Variants in ADAMTS12 observed in about 807,000 individuals in gnomAD.
ADAMTS12 encodes the protein A disintegrin and metalloproteinase with thrombospondin motifs 12.
Under a neutral mutation model 167.8 loss-of-function variants are expected in ADAMTS12, and 118 were observed. That is an observed-to-expected ratio of 0.70 (90% CI 0.61 to 0.82). ADAMTS12 has a LOEUF of 0.82. ADAMTS12 is among the 40% of genes least tolerant of loss of function. The pLI is 0.00. For synonymous variants in ADAMTS12, 704 were observed against 716.9 expected, an observed-to-expected ratio of 0.98 and a Z score of 0.29; for missense variants, 1,916 against 1,998.8, an observed-to-expected ratio of 0.96 and a Z score of 0.79.
At chr5:33,672,435 T>A (rs1173833513) in intron 5 of ADAMTS12, among the ~76,000 whole-genome samples, 1 of 152,136 alleles carries the variant, frequency 6.6e-6, no homozygotes, top group African/African-American at 2.4e-5. Flanking sequence ...TTAATTAAGA[T>A]CTCTAATTCA....
intron 16 of ADAMTS12, 27 bp from the exon 17 acceptor site, chr5:33,596,087 C>A: frequency 6.2e-7 from 1 of 1,612,296 alleles, no homozygotes; most frequent in Non-Finnish European, 8.5e-7. Flanking sequence ...AAGATTCACA[C>A]ATATTGAATC....
intron 2 of ADAMTS12, among the ~76,000 whole-genome samples, chr5:33,837,108 C>T (rs1748558208): frequency 6.6e-6 from 1 of 152,088 alleles, no homozygotes; most frequent in Non-Finnish European, 1.5e-5. Context: ...CCAGACAAGC[C>T]CCACTGTGTG....
At chr5:33,831,655 C>A (rs926246405) in intron 2 of ADAMTS12, among the ~76,000 whole-genome samples, 2 of 152,238 alleles carry the variant, frequency 1.3e-5, no homozygotes, top group Admixed American at 6.5e-5. Flanking sequence ...CAAGCTTAAT[C>A]CACATTCACT....
intron 22 of ADAMTS12, among the ~76,000 whole-genome samples, chr5:33,539,278 T>A (rs1032626967): frequency 6.6e-6 from 1 of 152,190 alleles, no homozygotes; most frequent in Non-Finnish European, 1.5e-5. Context: ...TGATAGAGTG[T>A]TATTTATGCA....
chr5:33,654,874 TTG>T (rs34219097), intron 7 of ADAMTS12, among the ~76,000 whole-genome samples: 213 of 141,602 alleles, frequency 1.5e-3, no homozygotes, highest in African/African-American at 1.9e-3. Flanking sequence ...GTGGGTGATT[TTG>T]TGTGTGTGTG....
At chr5:33,792,721 T>C (rs1294082266) in intron 2 of ADAMTS12, among the ~76,000 whole-genome samples, 1 of 152,198 alleles carries the variant, frequency 6.6e-6, no homozygotes, top group African/African-American at 2.4e-5. Context: ...AACAAGAAGA[T>C]AGTATCCTTG....
chr5:33,726,862 G>A (rs1322200749), intron 3 of ADAMTS12, among the ~76,000 whole-genome samples: 2 of 151,172 alleles, frequency 1.3e-5, no homozygotes, highest in African/African-American at 2.5e-5. Context: ...AGTTTATAAA[G>A]TGCCCTCACT....
chr5:33,695,162 T>C (rs1391709436), intron 3 of ADAMTS12, among the ~76,000 whole-genome samples: 1 of 152,236 alleles, frequency 6.6e-6, no homozygotes, highest in African/African-American at 2.4e-5. Context: ...ATGTCCACAA[T>C]AGATCAAAAC....
In ADAMTS12 at chr5:33,730,603, A is replaced by G. The variant is rs1744160333; in HGVS notation, c.634+20801T>C. Among the ~76,000 whole-genome samples, 5 of 152,234 alleles carry G rather than the reference A, an allele frequency of 3.3e-5. No homozygotes were observed. The South Asian group carries it at 1.0e-3, about 32-fold the overall frequency. On this transcript the variant is annotated intron_variant, in intron 3 of 23. Coordinates refer to ENST00000504830, the MANE Select transcript of ADAMTS12 (RefSeq NM_030955.4). ...GTCTTAAATAACAGCAAAATATACTAAAACCAGTGGTCTTCCAAAGGCAGG... is the reference window on the plus strand; with the variant it reads ...GTCTTAAATAACAGCAAAATATACTGAAACCAGTGGTCTTCCAAAGGCAGG...
chr5:33,813,500 C>G (rs1483860827), intron 2 of ADAMTS12, among the ~76,000 whole-genome samples: 2 of 152,134 alleles, frequency 1.3e-5, no homozygotes. Context: ...GATTTCTCCA[C>G]CCCGCTGAAT....
At chr5:33,562,679 T>C (rs1163142443) in intron 19 of ADAMTS12, among the ~76,000 whole-genome samples, 1 of 151,688 alleles carries the variant, frequency 6.6e-6, no homozygotes, top group Non-Finnish European at 1.5e-5. Flanking sequence ...TAGCCCAGGC[T>C]GGAGTGTAGT....
In ADAMTS12 at chr5:33,645,929, CA is replaced by C. The variant is rs549745141; in HGVS notation, c.1480-2460del. On this transcript the variant is annotated intron_variant, in intron 9 of 23. Coordinates refer to ENST00000504830, the MANE Select transcript of ADAMTS12 (RefSeq NM_030955.4). ...GTAGGAGAGGAGATAGTCTAGTAAA[CA>C]AAAACCTAAAATATAGTCTAATAAA... Among the ~76,000 whole-genome samples the C allele has an allele frequency of 3.0e-4, 45 of 152,090 alleles. 1 individual carries two copies. The highest frequency in any genetic ancestry group is 1.0e-3 in the African/African-American group (42 of 41,512).
At chr5:33,881,577 TGGAAA>T in intron 1 of ADAMTS12, 97 bp from the exon 2 acceptor site, 10 of 1,420,010 alleles carry the variant, frequency 7.0e-6, no homozygotes, top group South Asian at 1.4e-5. Flanking sequence ...TTTTTTTTTT[TGGAAA>T]TGGAGTTTTG....
At chr5:33,798,236 G>A (rs1244974681) in intron 2 of ADAMTS12, among the ~76,000 whole-genome samples, 1 of 150,612 alleles carries the variant, frequency 6.6e-6, no homozygotes, top group African/African-American at 2.4e-5. Context: ...TTTTAGGGCT[G>A]CCATAATAAA....
chr5:33,534,531 A>G (rs1470209165), intron 23 of ADAMTS12, among the ~76,000 whole-genome samples: 1 of 152,182 alleles, frequency 6.6e-6, no homozygotes, highest in Non-Finnish European at 1.5e-5. Flanking sequence ...AAAGCATAGA[A>G]GTAATTCTCA....
intron 5 of ADAMTS12, among the ~76,000 whole-genome samples, chr5:33,672,960 G>GGACT (rs1250578772): frequency 6.6e-6 from 1 of 152,160 alleles, no homozygotes; most frequent in Non-Finnish European, 1.5e-5. Context: ...TATGAGTTTA[G>GGACT]GACTACTGGT....
intron 2 of ADAMTS12, among the ~76,000 whole-genome samples, chr5:33,811,924 T>G (rs1390925593): frequency 6.6e-6 from 1 of 152,002 alleles, no homozygotes; most frequent in African/African-American, 2.4e-5. Flanking sequence ...ACAGATGAAC[T>G]TGGGAGGTGA....
chr5:33,728,007 G>A (rs1262720055), intron 3 of ADAMTS12, among the ~76,000 whole-genome samples: 2 of 152,164 alleles, frequency 1.3e-5, no homozygotes, highest in African/African-American at 4.8e-5. Context: ...AAAGCATGAA[G>A]ATTGCAACCC....
intron 3 of ADAMTS12, among the ~76,000 whole-genome samples, chr5:33,721,908 C>A (rs1280068178): frequency 6.6e-6 from 1 of 152,216 alleles, no homozygotes; most frequent in Non-Finnish European, 1.5e-5. Context: ...AACCAAATGC[C>A]ATGGTCTTTG....
Sources: gnomAD v4.1 joint callset for allele counts (sites outside exome capture counted in the v4.1 genomes callset) on GRCh38, gnomAD v4.1.1 for gene constraint, MANE v1.5 for transcripts, NCBI Gene and HGNC (gene_info 2026-07-23, HGNC 2026-07-21) for gene names.